Variants in REDIC1 observed in about 807,000 individuals in gnomAD.
REDIC1 encodes the protein HEI10 Interacting Protein 1.
the REDIC1 span, among the ~76,000 whole-genome samples, chr12:39,698,321 C>A: frequency 3.9e-5 from 6 of 152,130 alleles, no homozygotes; most frequent in Non-Finnish European, 8.8e-5. Context: ...ATGCACCCAA[C>A]ACTGAAGCAC....
the REDIC1 span, among the ~76,000 whole-genome samples, chr12:39,645,852 G>A: frequency 3.3e-5 from 5 of 152,126 alleles, no homozygotes; most frequent in Admixed American, 6.6e-5. Flanking sequence ...TCCTCCAACT[G>A]CAGCCTCCTT....
the REDIC1 span, among the ~76,000 whole-genome samples, chr12:39,701,970 G>A: frequency 6.6e-6 from 1 of 151,988 alleles, no homozygotes; most frequent in Non-Finnish European, 1.5e-5. Flanking sequence ...AGCACTAAAT[G>A]CCCACAAGAG....
the REDIC1 span, among the ~76,000 whole-genome samples, chr12:39,858,797 G>A: frequency 5.9e-5 from 9 of 152,162 alleles, no homozygotes; most frequent in African/African-American, 2.2e-4. Flanking sequence ...TGGTAGAGAT[G>A]GAATTTCACT....
chr12:39,843,021 TA>T, the REDIC1 span, among the ~76,000 whole-genome samples: 1 of 151,854 alleles, frequency 6.6e-6, no homozygotes, highest in Non-Finnish European at 1.5e-5. Context: ...GCTGATGGGG[TA>T]TTTGGGTTAT....
chr12:39,830,425 T>C, the REDIC1 span: 1 of 1,294,478 alleles, frequency 7.7e-7, no homozygotes, highest in Non-Finnish European at 9.8e-7. Flanking sequence ...CTCCCTCTTT[T>C]GGCCACAGCA....
chr12:39,854,333 G>C, the REDIC1 span, among the ~76,000 whole-genome samples: 3 of 152,074 alleles, frequency 2.0e-5, no homozygotes, highest in African/African-American at 7.2e-5. Flanking sequence ...CTTGAATATT[G>C]TAAGAGCTTA....
At chr12:39,826,247 T>C in the REDIC1 span, among the ~76,000 whole-genome samples, 1 of 152,000 alleles carries the variant, frequency 6.6e-6, no homozygotes, top group Non-Finnish European at 1.5e-5. Context: ...AAATAGTCTC[T>C]GCTTGTTTTT....
chr12:39,851,751 A>C, the REDIC1 span, among the ~76,000 whole-genome samples: 1 of 152,236 alleles, frequency 6.6e-6, no homozygotes, highest in Non-Finnish European at 1.5e-5. Flanking sequence ...TATTTAAGAC[A>C]TGCTGAGCTT....
chr12:39,653,492 G>GCCTTCTTCTTCTTCTTCT, the REDIC1 span, among the ~76,000 whole-genome samples: 4 of 54,288 alleles, frequency 7.4e-5, no homozygotes, highest in African/African-American at 2.2e-4. Context: ...CAATCTGGAT[G>GCCTTCTTCTTCTTCTTCT]TCTTCTTCTT....
chr12:39,743,404 G>GTT, the REDIC1 span, among the ~76,000 whole-genome samples: 1 of 152,100 alleles, frequency 6.6e-6, no homozygotes, highest in Non-Finnish European at 1.5e-5. Flanking sequence ...GTCACCAAAA[G>GTT]TTTACTTATC....
chr12:39,843,106 C>A, the REDIC1 span, among the ~76,000 whole-genome samples: 1 of 151,820 alleles, frequency 6.6e-6, no homozygotes, highest in Non-Finnish European at 1.5e-5. Context: ...TGAGTAGATA[C>A]GTGCTTTCAG....
the REDIC1 span, among the ~76,000 whole-genome samples, chr12:39,899,028 A>G: frequency 1.3e-5 from 2 of 151,868 alleles, no homozygotes; most frequent in East Asian, 1.9e-4. Flanking sequence ...CTCTTTTTCT[A>G]TTGATTGGAA....
the REDIC1 span, among the ~76,000 whole-genome samples, chr12:39,741,992 G>A: frequency 6.6e-6 from 1 of 152,166 alleles, no homozygotes; most frequent in Non-Finnish European, 1.5e-5. Context: ...CAAACAGTCT[G>A]TTGTGGCAGT....
the REDIC1 span, among the ~76,000 whole-genome samples, chr12:39,897,333 C>A: frequency 6.6e-6 from 1 of 152,184 alleles, no homozygotes; most frequent in Admixed American, 6.6e-5. Context: ...TCAAGCAGAG[C>A]TCCATATTTT....
the REDIC1 span, chr12:39,871,791 C>G: frequency 6.3e-7 from 1 of 1,589,986 alleles, no homozygotes; most frequent in Non-Finnish European, 8.5e-7. Flanking sequence ...TTTATCCAGC[C>G]ACCTACCTGC....
the REDIC1 span, among the ~76,000 whole-genome samples, chr12:39,885,185 G>T: frequency 6.6e-6 from 1 of 152,322 alleles, no homozygotes; most frequent in East Asian, 1.9e-4. Context: ...AGGATCACTG[G>T]AGGAACAGGA....
the REDIC1 span, chr12:39,830,014 T>G: frequency 3.9e-6 from 6 of 1,523,410 alleles, no homozygotes; most frequent in South Asian, 5.7e-5. Flanking sequence ...TTAAAAGAAC[T>G]GCTATAAGTG....
chr12:39,689,323 G>C, the REDIC1 span, among the ~76,000 whole-genome samples: 1 of 152,164 alleles, frequency 6.6e-6, no homozygotes, highest in African/African-American at 2.4e-5. Flanking sequence ...AAATGATTGT[G>C]TTTGGCATTA....
the REDIC1 span, among the ~76,000 whole-genome samples, chr12:39,865,258 T>C: frequency 5.9e-5 from 9 of 152,298 alleles, no homozygotes; most frequent in Admixed American, 2.6e-4. Flanking sequence ...CGAAAGACAA[T>C]AGATTTCCAT....
Sources: gnomAD v4.1 joint callset for allele counts (sites outside exome capture counted in the v4.1 genomes callset) on GRCh38, gnomAD v4.1.1 for gene constraint, MANE v1.5 for transcripts, NCBI Gene and HGNC (gene_info 2026-07-23, HGNC 2026-07-21) for gene names.